The following PIEZO2 variants were observed in gnomAD, a reference collection of about 807,000 sequenced individuals.
The protein encoded by PIEZO2 is piezo type mechanosensitive ion channel component 2, also known as piezo-type mechanosensitive ion channel component 2.
In PIEZO2, 172 loss-of-function variants were observed where a neutral mutation model predicts 337.3. The observed-to-expected ratio is 0.51, with a 90% CI of 0.45 to 0.58. The LOEUF (loss-of-function observed/expected upper bound fraction) is 0.58, where lower values mean the gene tolerates loss of function less well. PIEZO2 is among the 20% of genes least tolerant of loss of function. The pLI, the probability that PIEZO2 is intolerant of heterozygous loss-of-function variation, is 0.00. For synonymous variants in PIEZO2, 1,251 were observed against 1,228.5 expected (o/e 1.02, Z -0.38); for missense variants, 3,028 against 3,391.3 (o/e 0.89, Z 2.66).
At chr18:11,144,020 G>T (rs1034879201) in intron 1 of PIEZO2, among the ~76,000 whole-genome samples, 1 of 152,216 alleles carries the variant, frequency 6.6e-6, no homozygotes, top group Admixed American at 6.5e-5. Flanking sequence ...ATCATACAGT[G>T]AAGGGCAGAG....
In PIEZO2 at chr18:11,099,889, G is replaced by A. The variant is rs1188708635; in HGVS notation, c.65-33667C>T. ...TATAGGTTATTTCTCTTTTATTCCA[G>A]CTGAGTTGTTATAATCTCTTATGTA... On this transcript the variant is annotated intron_variant, in intron 1 of 55. Transcript: ENST00000674853. This position sits in a 1 kb window ranked among gnomAD's most constrained non-coding sequence, Gnocchi z 5.4. Among the ~76,000 whole-genome samples, 9 of 151,974 alleles carry A rather than the reference G, an allele frequency of 5.9e-5. No homozygotes were observed.
At chr18:10,934,413 C>T (rs558957294) in intron 3 of PIEZO2, among the ~76,000 whole-genome samples, 2 of 152,150 alleles carry the variant, frequency 1.3e-5, no homozygotes, top group African/African-American at 2.4e-5. Context: ...CATACTCCTG[C>T]GGCTCTCATG....
chr18:10,971,305 G>A (rs909107312), intron 3 of PIEZO2, among the ~76,000 whole-genome samples: 1 of 152,202 alleles, frequency 6.6e-6, no homozygotes, highest in African/African-American at 2.4e-5. Flanking sequence ...CTTCAGGGAA[G>A]TAAATTTCTG....
Position 10,726,375 on chromosome 18 carries a change from T to C in PIEZO2, c.5029+5032A>G. ...CTTCGCCTTCCCCGCAGGCACCCAC[T>C]ACCTGCGGGGCGGTAACAACGCGCG... On this transcript the variant is annotated intron_variant, in intron 36 of 55. Transcript: ENST00000674853. The surrounding 1 kb of genome is among the most constrained non-coding windows in gnomAD (Gnocchi z 5.9). 6.6e-7 allele frequency: 1 copy of C among 1,518,838 alleles called. No individual in the cohort carries two copies. Among genetic ancestry groups the C allele is most frequent in the Non-Finnish European group, 8.8e-7 (1 of 1,139,866 alleles). 94.1% of individuals were successfully genotyped at this position (1,518,838 alleles called of 1,614,324 possible).
chr18:11,000,214 A>T (rs2035479822), intron 2 of PIEZO2, among the ~76,000 whole-genome samples: 1 of 152,142 alleles, frequency 6.6e-6, no homozygotes, highest in South Asian at 2.1e-4. Context: ...GAAAGTTTCC[A>T]CTGCATGCCT....
rs2034021166 is a variant in PIEZO2 at position 10,676,728 on chromosome 18, G to A, written c.8081+1019C>T. 6.6e-6 allele frequency among the ~76,000 whole-genome samples: 1 copy of A among 152,192 alleles called. No homozygotes were observed. The highest frequency in any genetic ancestry group is 1.9e-4 in the East Asian group (1 of 5,186). On this transcript the variant is annotated intron_variant, in intron 53 of 55. Transcript: ENST00000674853. This position sits in a 1 kb window ranked among gnomAD's most constrained non-coding sequence, Gnocchi z 5.1. ...TGGACAGAGAGTGGGAGGAGAATGTGCTTGACACTAGTGGCTCCCTAAGAA... is the reference window on the plus strand; with the variant it reads ...TGGACAGAGAGTGGGAGGAGAATGTACTTGACACTAGTGGCTCCCTAAGAA...
chr18:11,147,001 T>A (rs1418944257), intron 1 of PIEZO2, among the ~76,000 whole-genome samples: 1 of 152,168 alleles, frequency 6.6e-6, no homozygotes, highest in Non-Finnish European at 1.5e-5. Flanking sequence ...CTTTGTTAAC[T>A]CGGTCACTAG....
At chr18:11,081,629 T>C (rs2038744575) in intron 1 of PIEZO2, among the ~76,000 whole-genome samples, 1 of 152,152 alleles carries the variant, frequency 6.6e-6, no homozygotes, top group African/African-American at 2.4e-5. Context: ...TAACCCAGCA[T>C]GATCTGTGGG....
rs538186894 is a variant in PIEZO2 at position 10,764,890 on chromosome 18, GTCA to G, written c.2947-1795_2947-1793del. On this transcript the variant is annotated intron_variant, in intron 21 of 55. Transcript: ENST00000674853. The stretch of plus-strand genomic sequence containing the variant: ...TTAGCGAATTGACTCTTCCTCCATA[GTCA>G]TCAACAAGTGTCTCGTCAATTTGGA... Among the ~76,000 whole-genome samples the G allele has an allele frequency of 1.9e-3, 293 of 152,304 alleles. 2 individuals carry two copies. Among genetic ancestry groups the G allele is most frequent in the African/African-American group, 6.6e-3 (275 of 41,556 alleles).
chr18:11,017,613 ATGGGTGTTG>A (rs1441713733), intron 2 of PIEZO2, among the ~76,000 whole-genome samples: 15 of 152,098 alleles, frequency 9.9e-5, no homozygotes, highest in African/African-American at 3.6e-4. Flanking sequence ...CTCAGAGTTT[ATGGGTGTTG>A]TACTGCAGAA....
chr18:11,017,281 T>C (rs945711249), intron 2 of PIEZO2, among the ~76,000 whole-genome samples: 3 of 152,196 alleles, frequency 2.0e-5, no homozygotes, highest in African/African-American at 7.2e-5. Context: ...GATATCTTAT[T>C]AATGGTAATG....
chr18:10,812,618 C>T (rs1366126176), intron 7 of PIEZO2, among the ~76,000 whole-genome samples: 3 of 152,228 alleles, frequency 2.0e-5, no homozygotes, highest in South Asian at 4.1e-4. Context: ...ATGAGTCTTC[C>T]CCCTGAGGTC....
rs1309334819 is a variant in PIEZO2 at position 11,009,920 on chromosome 18, C to G, written c.161-30260G>C. ...GAGAGAGGCCTCAGGAGAAACCAAG[C>G]CTCAAGACACCTTGATCTCAAATAT... On this transcript the variant is annotated intron_variant, in intron 2 of 55. Transcript: ENST00000674853. This position sits in a 1 kb window ranked among gnomAD's most constrained non-coding sequence, Gnocchi z 4.6. Among the ~76,000 whole-genome samples, 2 of 152,092 alleles carry G rather than the reference C, an allele frequency of 1.3e-5. No homozygotes were observed. Among genetic ancestry groups the G allele is most frequent in the Admixed American group, 1.3e-4 (2 of 15,284 alleles).
chr18:10,858,140 T>G (rs1372992987), intron 5 of PIEZO2, among the ~76,000 whole-genome samples: 2 of 150,174 alleles, frequency 1.3e-5, no homozygotes, highest in Admixed American at 6.6e-5. Flanking sequence ...GCCAACATGG[T>G]GAAACCCCGT....
chr18:11,139,820 C>A (rs993086926), intron 1 of PIEZO2, among the ~76,000 whole-genome samples: 43 of 152,132 alleles, frequency 2.8e-4, no homozygotes, highest in African/African-American at 1.0e-3. Context: ...TTTGGTATGT[C>A]AAGATAGACT....
chr18:11,011,086 A>T (rs2145656415), intron 2 of PIEZO2, among the ~76,000 whole-genome samples: 1 of 152,358 alleles, frequency 6.6e-6, no homozygotes, highest in African/African-American at 2.4e-5. Context: ...ATTTGTTACA[A>T]TCCAATCCTT....
chr18:10,963,710 G>C (rs2033885264), intron 3 of PIEZO2, among the ~76,000 whole-genome samples: 1 of 152,164 alleles, frequency 6.6e-6, no homozygotes, highest in African/African-American at 2.4e-5. Flanking sequence ...CTATTTGTCA[G>C]TGTTATGGTT....
At chr18:10,920,533 C>T (rs1385218559) in intron 3 of PIEZO2, among the ~76,000 whole-genome samples, 6 of 152,040 alleles carry the variant, frequency 3.9e-5, no homozygotes, top group Admixed American at 3.3e-4. Flanking sequence ...GATGAGAAAA[C>T]TCAGACACAC....
At chr18:10,803,846 G>C (rs1319857901) in intron 9 of PIEZO2, 29 bp downstream of exon 9, 1 of 1,534,922 alleles carries the variant, frequency 6.5e-7, no homozygotes, top group African/African-American at 1.4e-5. Context: ...AAAAATTAGG[G>C]AACGGAAATC....
Sources: gnomAD v4.1 joint callset for allele counts (sites outside exome capture counted in the v4.1 genomes callset) on GRCh38, gnomAD v4.1.1 for gene constraint, Gnocchi (gnomAD v3.1) non-coding constraint, MANE v1.5 for transcripts, NCBI Gene and HGNC (gene_info 2026-07-23, HGNC 2026-07-21) for gene names.